The following ASB3 variants were observed in gnomAD, a reference collection of about 807,000 sequenced individuals.
ASB3 encodes the protein ankyrin repeat and SOCS box protein 3.
In ASB3, 41 loss-of-function variants were observed where a neutral mutation model predicts 54.5. The ratio of observed to expected loss-of-function variants is 0.75; its 90% CI spans 0.59 to 0.98. The LOEUF (loss-of-function observed/expected upper bound fraction) is 0.98, where lower values mean the gene tolerates loss of function less well. ASB3 is among the 50% of genes least tolerant of loss of function. ASB3 has a pLI of 0.00. For synonymous variants in ASB3, 266 were observed against 221.2 expected (o/e 1.20, Z -1.80); for missense variants, 733 against 620.0 (o/e 1.18, Z -1.94).
At chr2:53,785,864 A>C (rs1015518499) in intron 1 of ASB3, among the ~76,000 whole-genome samples, 4 of 152,224 alleles carry the variant, frequency 2.6e-5, no homozygotes, top group Admixed American at 2.0e-4. Flanking sequence ...AACAACAAAA[A>C]TCCCAGGAGT....
chr2:53,705,882 A>G (rs1391972142), intron 7 of ASB3, among the ~76,000 whole-genome samples: 1 of 152,230 alleles, frequency 6.6e-6, no homozygotes, highest in Non-Finnish European at 1.5e-5. Flanking sequence ...AGAGAGGGAC[A>G]GTATGAAAAT....
chr2:53,729,686 T>C, intron 3 of ASB3, 116 bp from the exon 4 acceptor site: 1 of 782,540 alleles, frequency 1.3e-6, no homozygotes, highest in Non-Finnish European at 2.1e-6. Flanking sequence ...CTCTGATTAT[T>C]CCTAAACAGT....
intron 5 of ASB3, among the ~76,000 whole-genome samples, chr2:53,721,375 G>A (rs1479617668): frequency 8.8e-6 from 1 of 113,908 alleles, no homozygotes; most frequent in South Asian, 2.7e-4. Flanking sequence ...GAAATGTGGT[G>A]AAACCCCATC....
At chr2:53,733,990 G>C (rs554838230) in intron 3 of ASB3, among the ~76,000 whole-genome samples, 2 of 152,362 alleles carry the variant, frequency 1.3e-5, no homozygotes, top group South Asian at 4.1e-4. Flanking sequence ...TCTGCAGCAG[G>C]AGCATGTCCT....
intron 7 of ASB3, among the ~76,000 whole-genome samples, chr2:53,712,527 G>A (rs1670158376): frequency 2.0e-5 from 3 of 152,110 alleles, no homozygotes; most frequent in South Asian, 2.1e-4. Flanking sequence ...TCATTTATCC[G>A]AATCTACAGA....
intron 1 of ASB3, among the ~76,000 whole-genome samples, chr2:53,779,297 A>T (rs555294042): frequency 6.6e-6 from 1 of 152,302 alleles, no homozygotes; most frequent in South Asian, 2.1e-4. Context: ...CCCTTATCTC[A>T]TGTATGGCTT....
chr2:53,748,922 A>T (rs1258065103), intron 3 of ASB3, among the ~76,000 whole-genome samples: 2 of 152,152 alleles, frequency 1.3e-5, no homozygotes, highest in Admixed American at 6.5e-5. Flanking sequence ...TGATCATCAT[A>T]TGGTAGTCAG....
At chr2:53,767,874 G>T in intron 1 of ASB3, 1 of 1,600,642 alleles carries the variant, frequency 6.2e-7, no homozygotes, top group Non-Finnish European at 8.5e-7. Context: ...TGGGGCAGAG[G>T]AGCCGCGAGA....
chr2:53,709,166 ATGGGCCAGGCCCAG>A (rs1408282601), intron 7 of ASB3, among the ~76,000 whole-genome samples: 1 of 152,206 alleles, frequency 6.6e-6, no homozygotes, highest in African/African-American at 2.4e-5. Context: ...GAATGGTTTC[ATGGGCCAGGCCCAG>A]TGCCCCACTG....
intron 5 of ASB3, among the ~76,000 whole-genome samples, chr2:53,721,398 CAAAAAAAAA>C (rs1195017138): frequency 2.3e-5 from 2 of 87,362 alleles, no homozygotes; most frequent in African/African-American, 8.6e-5. Flanking sequence ...TACTAAACTA[CAAAAAAAAA>C]AAAAAAAAAA....
At position 53,694,017 on chromosome 2, in the gene ASB3, A is replaced by T; in HGVS notation, c.1239-3T>A. On this transcript the variant is annotated splice_region_variant and splice_polypyrimidine_tract_variant and intron_variant, in intron 8 of 9. Transcript: ENST00000263634. ...TGTCAATGCTGACTGAGTCAATCCTATGTTAGCAAGATGTTAATATAATAT... is the reference window on the plus strand; with the variant it reads ...TGTCAATGCTGACTGAGTCAATCCTTTGTTAGCAAGATGTTAATATAATAT... 1 of 1,612,758 alleles carries T rather than the reference A, an allele frequency of 6.2e-7. No homozygotes were observed. The highest frequency in any genetic ancestry group is 8.5e-7 in the Non-Finnish European group (1 of 1,179,178).
chr2:53,741,534 A>C (rs550985821), intron 3 of ASB3, among the ~76,000 whole-genome samples: 1 of 152,324 alleles, frequency 6.6e-6, no homozygotes, highest in South Asian at 2.1e-4. Context: ...TTCTTATATA[A>C]ATCGACTGAC....
intron 9 of ASB3, among the ~76,000 whole-genome samples, chr2:53,676,341 T>C (rs1350582179): frequency 6.6e-6 from 1 of 152,188 alleles, no homozygotes; most frequent in Non-Finnish European, 1.5e-5. Context: ...TCCATTACCT[T>C]ACATTTGGAG....
At chr2:53,697,298 T>C (rs1669237985) in intron 8 of ASB3, among the ~76,000 whole-genome samples, 1 of 152,168 alleles carries the variant, frequency 6.6e-6, no homozygotes, top group African/African-American at 2.4e-5. Flanking sequence ...CCTGGAAAAT[T>C]CATTCATGAA....
intron 9 of ASB3, among the ~76,000 whole-genome samples, chr2:53,683,765 G>T (rs1668499659): frequency 6.6e-6 from 1 of 152,030 alleles, no homozygotes; most frequent in African/African-American, 2.4e-5. Context: ...TCTTGGCATA[G>T]TAGCTTCTAA....
chr2:53,754,186 T>G (rs1410358598), intron 2 of ASB3, among the ~76,000 whole-genome samples: 1 of 152,208 alleles, frequency 6.6e-6, no homozygotes, highest in Non-Finnish European at 1.5e-5. Flanking sequence ...TATTGGATTG[T>G]AACCTAAAGT....
chr2:53,718,267 C>G (rs1037087580), intron 5 of ASB3, among the ~76,000 whole-genome samples: 1 of 147,050 alleles, frequency 6.8e-6, no homozygotes. Flanking sequence ...AAAAATCTTA[C>G]AGGCAGCTAG....
At chr2:53,748,539 A>T (rs1184874350) in intron 3 of ASB3, among the ~76,000 whole-genome samples, 2 of 152,218 alleles carry the variant, frequency 1.3e-5, no homozygotes, top group Non-Finnish European at 2.9e-5. Flanking sequence ...ATAAATTAAC[A>T]TTACTAGTAA....
rs1672879274 is a variant in ASB3 at position 53,757,159 on chromosome 2, A to T, written c.197-6218T>A. 3.3e-5 allele frequency among the ~76,000 whole-genome samples: 5 copies of T among 152,202 alleles called. No homozygotes were observed. The South Asian group carries it at 1.0e-3, about 32-fold the overall frequency. On this transcript the variant is annotated intron_variant, in intron 2 of 9. Coordinates refer to ENST00000263634, the MANE Select transcript of ASB3 (RefSeq NM_016115.5). ...TAATATTGGACCACTTTCACTTGCT[A>T]TTCTGTCCTATCCTTCCTTAGAATT... is the stretch of plus-strand genomic sequence containing the variant.
Sources: allele counts gnomAD v4.1 joint callset (sites outside exome capture counted in the v4.1 genomes callset), GRCh38; gene constraint gnomAD v4.1.1; transcripts MANE v1.5; gene names NCBI Gene and HGNC (gene_info 2026-07-23, HGNC 2026-07-21).